HUWE1: variants seen among roughly 807,000 people sequenced by gnomAD.
HUWE1 encodes E3 ubiquitin-protein ligase HUWE1.
A neutral mutation model predicts 299.4 loss-of-function variants in HUWE1; 18 were observed. The observed-to-expected ratio is 0.06, with a 90% CI of 0.04 to 0.09. The LOEUF (loss-of-function observed/expected upper bound fraction) is 0.09, where lower values mean the gene tolerates loss of function less well. Ranked by LOEUF, HUWE1 falls within the 10% of genes least tolerant of loss-of-function variation. The probability of loss-of-function intolerance (pLI) is 1.00; values close to 1 mark genes in which losing one functional copy is unlikely to be tolerated. For synonymous variants in HUWE1, 1,317 were observed against 1,286.1 expected (o/e 1.02, Z -0.51); for missense variants, 1,832 against 3,462.3 (o/e 0.53, Z 11.82).
chrX:53,600,328 G>A lies in HUWE1; in HGVS notation c.2972-19C>T, dbSNP rs781835994. ...TCCCCATCTACAGATGTATAAGAGGGGAGCAATAGGACAATGTAGAGCCAA... is the reference window on the plus strand; with the variant it reads ...TCCCCATCTACAGATGTATAAGAGGAGAGCAATAGGACAATGTAGAGCCAA... On this transcript the variant is annotated intron_variant, in intron 28 of 83. Transcript: ENST00000262854. The A allele has an allele frequency of 3.6e-6, 4 of 1,116,409 alleles. No individual in the cohort carries two copies. Among genetic ancestry groups the A allele is most frequent in the Non-Finnish European group, 4.9e-6 (4 of 815,683 alleles). 92.0% of individuals were successfully genotyped at this position (1,116,409 alleles called of 1,213,427 possible). A position where few individuals can be genotyped will look rare whatever the true frequency, so the allele number is the denominator to read the frequency against.
chrX:53,647,805 G>A (rs1008174927), intron 5 of HUWE1, among the ~76,000 whole-genome samples: 1 of 111,976 alleles, frequency 8.9e-6, no homozygotes, highest in Non-Finnish European at 1.9e-5. Context: ...AACCCCTAGA[G>A]CTAGGTCTTT....
chrX:53,549,687 C>T (rs2061685918), intron 66 of HUWE1, among the ~76,000 whole-genome samples, 182 bp from the exon 67 acceptor site: 1 of 110,614 alleles, frequency 9.0e-6, no homozygotes, highest in African/African-American at 3.3e-5. Context: ...GTACCAGGCA[C>T]TTTACAATGA....
rs1000497543 is a variant in HUWE1, at chrX:53,565,615, A to G, written c.6708-376T>C. ...CCCCAAACCCTAAAAGCTCAAAGGA[A>G]GGAACATGATAAAAGTTTTCCTTTT... is the stretch of plus-strand genomic sequence containing the variant. On this transcript the variant is annotated intron_variant, in intron 49 of 83. Transcript: ENST00000262854. 2.7e-5 allele frequency among the ~76,000 whole-genome samples: 3 copies of G among 110,104 alleles called. No homozygotes were observed. The Admixed American group carries it at 2.9e-4, about 11-fold the overall frequency.
rs782099947 is a variant in HUWE1 at position 53,536,561 on chromosome X, G to A, written c.12244C>T (p.Arg4082Cys). ...EMFNPMYALFRTSPGDRVTYT... is the reference protein window; with the variant it reads ...EMFNPMYALFCTSPGDRVTYT... ...GTGACTCGATCACCAGGTGAGGTACGGAACAAGGCATACATAGGGTTAAAC... is the reference window on the plus strand; with the variant it reads ...GTGACTCGATCACCAGGTGAGGTACAGAACAAGGCATACATAGGGTTAAAC... Residue 4082 changes from arginine to cysteine, a missense_variant, in exon 79 of 84, where the codon CGT becomes TGT. Arg to Cys is a radical substitution (Grantham distance 180, BLOSUM62 -3). Coordinates refer to ENST00000262854, the MANE Select transcript of HUWE1 (RefSeq NM_031407.7). 5.0e-6 allele frequency: 6 copies of A among 1,208,914 alleles called. No homozygotes were observed. The highest frequency in any genetic ancestry group is 3.5e-5 in the African/African-American group (2 of 57,080).
intron 73 of HUWE1, chrX:53,542,844 GTTGT>G (rs1434876187): frequency 1.3e-5 from 3 of 227,684 alleles, no homozygotes; most frequent in Admixed American, 7.2e-5. Flanking sequence ...GTCTTCTTCT[GTTGT>G]GTGTGTGTGT....
Position 53,601,287 on chromosome X carries a change from T to A in HUWE1, c.2972-978A>T, listed in dbSNP as rs186340568. On this transcript the variant is annotated intron_variant, in intron 28 of 83. Transcript: ENST00000262854. Reference sequence around the variant, plus strand: ...GCCTCAACTTCCTGGGCTCAAGCGATCCTCCCACCTCAGCCTCCCTAGTAG... The same window carrying A: ...GCCTCAACTTCCTGGGCTCAAGCGAACCTCCCACCTCAGCCTCCCTAGTAG... Among the ~76,000 whole-genome samples, 9 of 109,481 alleles carry A rather than the reference T, an allele frequency of 8.2e-5. No individual in the cohort carries two copies. The East Asian group carries it at 2.6e-3, about 32-fold the overall frequency.
Position 53,654,151 on chromosome X carries a change from AAAG to A in HUWE1, c.-24-23_-24-21del, listed in dbSNP as rs1557041784. ...TACGATCTGAAAAAAGAAAATCCCA[AAAG>A]AAGTGAGAACTTAAAGCTACAATCT... On this transcript the variant is annotated intron_variant, in intron 3 of 83. Transcript: ENST00000262854. 6 of 968,362 alleles carry A rather than the reference AAAG, an allele frequency of 6.2e-6. No individual in the cohort carries two copies. Among genetic ancestry groups the A allele is most frequent in the Non-Finnish European group, 8.8e-6 (6 of 682,705 alleles). The allele number at this position is 968,362 out of a possible 1,213,427, so 79.8% of individuals were successfully genotyped here. A position where few individuals can be genotyped will look rare whatever the true frequency, so the allele number is the denominator to read the frequency against.
At chrX:53,629,058 G>T (rs916032515) in intron 13 of HUWE1, among the ~76,000 whole-genome samples, 156 bp from the exon 14 acceptor site, 2 of 111,469 alleles carry the variant, frequency 1.8e-5, no homozygotes, top group Admixed American at 9.5e-5. Context: ...CGAAAATCTA[G>T]TATTTGTTAG....
At chrX:53,534,270 AG>A in intron 82 of HUWE1, 73 bp from the exon 83 acceptor site, 1 of 937,583 alleles carries the variant, frequency 1.1e-6, no homozygotes. Context: ...GATGGAATCT[AG>A]GAAACAGGAC....
chrX:53,681,388 C>T (rs1021687789), intron 2 of HUWE1, among the ~76,000 whole-genome samples: 7 of 104,522 alleles, frequency 6.7e-5, no homozygotes, highest in Non-Finnish European at 1.2e-4. Flanking sequence ...GAGCCGAGAT[C>T]GCGCCACTGC....
intron 74 of HUWE1, among the ~76,000 whole-genome samples, chrX:53,540,367 C>T (rs1431540263): frequency 8.2e-5 from 9 of 109,260 alleles, no homozygotes; most frequent in African/African-American, 2.0e-4. Flanking sequence ...CTCGTTCTGT[C>T]GCCCAGGCTG....
intron 66 of HUWE1, among the ~76,000 whole-genome samples, chrX:53,550,317 C>G (rs368033021): frequency 8.9e-6 from 1 of 111,938 alleles, no homozygotes; most frequent in Non-Finnish European, 1.9e-5. Context: ...CTGGCTAACT[C>G]ACTCCTCTAT....
rs148439022 is a variant in HUWE1 at position 53,586,589 on chromosome X, T to A, written c.4743-18A>T. On this transcript the variant is annotated intron_variant, in intron 38 of 83. Coordinates refer to ENST00000262854, the MANE Select transcript of HUWE1 (RefSeq NM_031407.7). The stretch of plus-strand genomic sequence containing the variant: ...TGATCCACCTAAAAAAGAAAAATGA[T>A]CTGTTTTGGGAAAGCAAGAAACCTG... 6.5e-4 allele frequency: 759 copies of A among 1,164,782 alleles called. 3 individuals carry two copies. The African/African-American group carries it at 0.012, about 18-fold the overall frequency.
At chrX:53,635,088 G>A (rs959458990) in intron 7 of HUWE1, among the ~76,000 whole-genome samples, 2 of 110,293 alleles carry the variant, frequency 1.8e-5, no homozygotes, top group African/African-American at 6.5e-5. Context: ...CATGGGGCAA[G>A]GCATATAGTT....
chrX:53,654,756 C>T (rs782503947), intron 3 of HUWE1, among the ~76,000 whole-genome samples: 15 of 111,858 alleles, frequency 1.3e-4, no homozygotes, highest in Non-Finnish European at 2.4e-4. Flanking sequence ...ACAGAACATA[C>T]GGTATAAAAC....
chrX:53,558,933 A>G (rs2062157817), intron 58 of HUWE1, 38 bp downstream of exon 58: 1 of 1,173,295 alleles, frequency 8.5e-7, no homozygotes, highest in Non-Finnish European at 1.2e-6. Context: ...TAGCTCTGGA[A>G]GGCTCACTAT....
intron 28 of HUWE1, among the ~76,000 whole-genome samples, chrX:53,601,665 ATT>A (rs34074990): frequency 6.4e-5 from 6 of 93,714 alleles, no homozygotes; most frequent in African/African-American, 1.5e-4. Context: ...GAAATTTGGA[ATT>A]TTTTTTTTTT....
At chrX:53,565,627 A>G (rs1436051006) in intron 49 of HUWE1, among the ~76,000 whole-genome samples, 1 of 109,908 alleles carries the variant, frequency 9.1e-6, no homozygotes, top group African/African-American at 3.3e-5. Context: ...GAACATGATA[A>G]AAGTTTTCCT....
At chrX:53,556,127 A>G (rs148189854) in intron 60 of HUWE1, 3 of 333,360 alleles carry the variant, frequency 9.0e-6, no homozygotes, top group East Asian at 1.0e-4. Flanking sequence ...CCTAAACACC[A>G]TCTGTCCCCT....
Sources: allele counts gnomAD v4.1 joint callset (sites outside exome capture counted in the v4.1 genomes callset), GRCh38; gene constraint gnomAD v4.1.1; transcripts MANE v1.5; gene names NCBI Gene and HGNC (gene_info 2026-07-23, HGNC 2026-07-21).